The following ATP2B2 variants were observed in gnomAD, a reference collection of about 807,000 sequenced individuals.
The protein encoded by ATP2B2 is plasma membrane calcium-transporting ATPase 2.
Under a neutral mutation model 120.0 loss-of-function variants are expected in ATP2B2, and 15 were observed. The observed-to-expected ratio is 0.12, with a 90% confidence interval of 0.08 to 0.19. The LOEUF (loss-of-function observed/expected upper bound fraction) is 0.19. Among genes scored for constraint, ATP2B2 ranks in the 10% least tolerant of loss-of-function variants. ATP2B2 has a pLI of 1.00. For synonymous variants in ATP2B2, 694 were observed against 700.3 expected, an observed-to-expected ratio of 0.99 and a Z score of 0.14; for missense variants, 1,045 against 1,719.8, an observed-to-expected ratio of 0.61 and a Z score of 6.94.
At chr3:10,461,875 G>A (rs1391122799) in intron 1 of ATP2B2, among the ~76,000 whole-genome samples, 4 of 152,150 alleles carry the variant, frequency 2.6e-5, no homozygotes, top group Non-Finnish European at 5.9e-5. Flanking sequence ...GCCCTTGGGT[G>A]GCTTCTGGTG....
chr3:10,346,246 C>A lies in ATP2B2; in HGVS notation c.2405-109G>T. 1 of 1,030,136 alleles carries A rather than the reference C, an allele frequency of 9.7e-7. No individual in the cohort carries two copies. The highest frequency in any genetic ancestry group is 1.3e-5 in the South Asian group (1 of 75,100). The allele number at this position is 1,030,136 out of a possible 1,614,324, so 63.8% of individuals were successfully genotyped here. ...GGCTGGGCATGGCTTCCTCTCTGGT[C>A]CCTGTCCAGCCGCCCCCTCCATCCA... On this transcript the variant is annotated intron_variant, in intron 16 of 22. Coordinates refer to ENST00000360273, the MANE Select transcript of ATP2B2 (RefSeq NM_001001331.4). The surrounding 1 kb of genome is among the most constrained non-coding windows in gnomAD (Gnocchi z 4.1).
chr3:10,488,551 C>T (rs951732812), intron 1 of ATP2B2, among the ~76,000 whole-genome samples: 4 of 151,240 alleles, frequency 2.6e-5, no homozygotes, highest in African/African-American at 9.7e-5. Flanking sequence ...TCCTTCCTTT[C>T]CTTCCTTCCT....
At chr3:10,604,852 G>A (rs796706502) in intron 2 of ATP2B2, among the ~76,000 whole-genome samples, 12 of 152,192 alleles carry the variant, frequency 7.9e-5, no homozygotes, top group African/African-American at 2.2e-4. Flanking sequence ...TTCACAGCTC[G>A]TGGGTGTGGG....
intron 1 of ATP2B2, among the ~76,000 whole-genome samples, chr3:10,627,667 C>A (rs769525951): frequency 1.8e-4 from 27 of 152,152 alleles, no homozygotes; most frequent in Non-Finnish European, 8.8e-5. Context: ...CGGTGAACCG[C>A]AAGGGAAGAG....
At chr3:10,690,183 T>C (rs1424195316) in intron 1 of ATP2B2, among the ~76,000 whole-genome samples, 2 of 152,212 alleles carry the variant, frequency 1.3e-5, no homozygotes, top group Non-Finnish European at 2.9e-5. Context: ...AACTTTGTTC[T>C]CCGTCCAGGC....
intron 1 of ATP2B2, among the ~76,000 whole-genome samples, chr3:10,643,315 C>A (rs1235135507): frequency 2.0e-5 from 3 of 152,134 alleles, no homozygotes; most frequent in Non-Finnish European, 4.4e-5. Flanking sequence ...CATGCAGAGG[C>A]CTGTTTGATA....
At chr3:10,448,034 G>A (rs1443318552) in intron 2 of ATP2B2, among the ~76,000 whole-genome samples, 1 of 152,264 alleles carries the variant, frequency 6.6e-6, no homozygotes, top group Non-Finnish European at 1.5e-5. Flanking sequence ...GTAGTGGAGT[G>A]TAGGCACATG....
rs186578399 is a variant in ATP2B2 at position 10,568,118 on chromosome 3, C to T, written c.-414-33985G>A. On this transcript the variant is annotated intron_variant, in intron 2 of 21. Coordinates refer to the ATP2B2 transcript ENST00000646379. ...AACAAAGAGGGCGAGCCTGGTCCTG[C>T]CCAGAGTGGGCTCAGGCTGTGCCCC... Among the ~76,000 whole-genome samples, 41 of 152,286 alleles carry T rather than the reference C, an allele frequency of 2.7e-4. 1 individual carries two copies. The East Asian group carries it at 7.5e-3, about 28-fold the overall frequency.
intron 1 of ATP2B2, among the ~76,000 whole-genome samples, chr3:10,453,711 A>T (rs1206117325): frequency 6.6e-6 from 1 of 152,190 alleles, no homozygotes; most frequent in Non-Finnish European, 1.5e-5. Context: ...TACGTCTCTG[A>T]CAGTACAAGC....
chr3:10,405,160 G>T (rs2062366071), intron 3 of ATP2B2, among the ~76,000 whole-genome samples: 1 of 152,180 alleles, frequency 6.6e-6, no homozygotes, highest in Non-Finnish European at 1.5e-5. Flanking sequence ...TGAGCTAAGG[G>T]CCTGGCACAT....
intron 1 of ATP2B2, among the ~76,000 whole-genome samples, chr3:10,474,970 T>C (rs2065149644): frequency 6.6e-6 from 1 of 152,222 alleles, no homozygotes. Flanking sequence ...AGTGTCCCCA[T>C]GTCACCACCC....
At chr3:10,699,255 T>A (rs1321870359) in intron 1 of ATP2B2, among the ~76,000 whole-genome samples, 1 of 152,216 alleles carries the variant, frequency 6.6e-6, no homozygotes, top group Non-Finnish European at 1.5e-5. Flanking sequence ...TGTCCAGGGG[T>A]CCACATACAA....
At chr3:10,528,251 C>T (rs77369247) in intron 3 of ATP2B2, among the ~76,000 whole-genome samples, 1,905 of 152,184 alleles carry the variant, frequency 0.013, 22 homozygotes, top group Non-Finnish European at 0.022. Flanking sequence ...AGGGTGGCTA[C>T]GACGCGTGCA....
chr3:10,503,397 C>T lies in ATP2B2; in HGVS notation c.-320+2068G>A, dbSNP rs564995850. Among the ~76,000 whole-genome samples, 23 of 152,330 alleles carry T rather than the reference C, an allele frequency of 1.5e-4. 1 individual carries two copies. In the East Asian group the frequency reaches 4.1e-3, roughly 27 times the overall value. ...ACTTTGGGCAGCCTTCTCTGAAGAA[C>T]ATCAATAACCCAAGATGGCCTTGCT... On this transcript the variant is annotated intron_variant, in intron 1 of 22. Transcript: ENST00000360273.
At chr3:10,355,467 T>C (rs150197349) in intron 14 of ATP2B2, among the ~76,000 whole-genome samples, 3 of 152,220 alleles carry the variant, frequency 2.0e-5, no homozygotes, top group African/African-American at 7.2e-5. Context: ...GGAGGGTAAG[T>C]CTTCCAGTCA....
chr3:10,441,009 T>C (rs533537370), intron 2 of ATP2B2, among the ~76,000 whole-genome samples: 3 of 152,254 alleles, frequency 2.0e-5, no homozygotes, highest in Non-Finnish European at 4.4e-5. Context: ...ATCACAGCTA[T>C]AACTAGCATC....
intron 2 of ATP2B2, among the ~76,000 whole-genome samples, chr3:10,412,237 T>C (rs979831038): frequency 1.3e-5 from 2 of 152,194 alleles, no homozygotes; most frequent in African/African-American, 4.8e-5. Context: ...GGGGTATGGA[T>C]GACCCACAGT....
At chr3:10,663,080 C>T (rs555835567) in intron 1 of ATP2B2, among the ~76,000 whole-genome samples, 63 of 108,022 alleles carry the variant, frequency 5.8e-4, no homozygotes, top group African/African-American at 1.9e-3. Context: ...CATCACACAC[C>T]GGGGCCTGTT....
At chr3:10,486,147 C>G (rs2065643726) in intron 1 of ATP2B2, among the ~76,000 whole-genome samples, 1 of 152,148 alleles carries the variant, frequency 6.6e-6, no homozygotes, top group Non-Finnish European at 1.5e-5. Context: ...TTTGTGGGTG[C>G]CCGCTCATCG....
Sources: gnomAD v4.1 joint callset for allele counts (sites outside exome capture counted in the v4.1 genomes callset) on GRCh38, gnomAD v4.1.1 for gene constraint, Gnocchi (gnomAD v3.1) non-coding constraint, MANE v1.5 for transcripts, NCBI Gene and HGNC (gene_info 2026-07-23, HGNC 2026-07-21) for gene names.